CLIP1: variants seen among roughly 807,000 people sequenced by gnomAD.
The protein encoded by CLIP1 is CAP-Gly domain-containing linker protein 1.
In CLIP1, 66 loss-of-function variants were observed where a neutral mutation model predicts 161.6. That is an observed-to-expected ratio of 0.41 (90% CI 0.33 to 0.50). The LOEUF (loss-of-function observed/expected upper bound fraction) is 0.50, where lower values mean the gene tolerates loss of function less well. CLIP1 is among the 20% of genes least tolerant of loss of function. CLIP1 has a pLI of 0.27. For missense variants in CLIP1, 1,376 were observed against 1,702.0 expected (o/e 0.81, Z 3.37); for synonymous variants, 598 against 626.2 (o/e 0.96, Z 0.67).
chr12:122,334,471 T>C lies in CLIP1; in HGVS notation c.2626+177A>G, dbSNP rs117961526. Among the ~76,000 whole-genome samples, 175 of 152,220 alleles carry C rather than the reference T, an allele frequency of 1.1e-3. 2 individuals are homozygous for C. In the East Asian group the frequency reaches 0.032, roughly 28 times the overall value. ...GCCTTAAGCTAAAAGAAGAAAAAAT[T>C]GGGAGTTTGAGGCTTCAGGAAACCA... On this transcript the variant is annotated intron_variant, in intron 13 of 25. Coordinates refer to ENST00000620786, the MANE Select transcript of CLIP1 (RefSeq NM_001247997.2).
At chr12:122,300,801 AT>A (rs890737726) in intron 20 of CLIP1, among the ~76,000 whole-genome samples, 12 of 151,938 alleles carry the variant, frequency 7.9e-5, no homozygotes, top group Middle Eastern at 3.2e-3. Context: ...TTCTCTCTAT[AT>A]TTTTTTCTAC....
chr12:122,421,861 G>A (rs1188629444), intron 1 of CLIP1, among the ~76,000 whole-genome samples: 2 of 152,188 alleles, frequency 1.3e-5, no homozygotes, highest in South Asian at 2.1e-4. Context: ...TGCCTTCCGC[G>A]CCAATCCCCT....
chr12:122,419,924 C>T (rs1417836726), intron 1 of CLIP1, among the ~76,000 whole-genome samples: 1 of 62,522 alleles, frequency 1.6e-5, no homozygotes, highest in East Asian at 7.3e-4. Context: ...GAGACTCTGT[C>T]TCAAAAAAAA....
chr12:122,420,394 G>C (rs1408170310), intron 1 of CLIP1, among the ~76,000 whole-genome samples: 1 of 151,798 alleles, frequency 6.6e-6, no homozygotes, highest in Admixed American at 6.6e-5. Flanking sequence ...TCCTCAATAG[G>C]ACAGAAACCA....
At chr12:122,298,742 G>C (rs2136393379) in intron 20 of CLIP1, among the ~76,000 whole-genome samples, 1 of 152,238 alleles carries the variant, frequency 6.6e-6, no homozygotes, top group African/African-American at 2.4e-5. Context: ...ATCACTTGAA[G>C]TCAGGAGTTC....
At chr12:122,356,649 C>T (rs1953384394) in intron 5 of CLIP1, among the ~76,000 whole-genome samples, 1 of 152,028 alleles carries the variant, frequency 6.6e-6, no homozygotes, top group South Asian at 2.1e-4. Flanking sequence ...CCCACGGTCT[C>T]CCTCTCCCTC....
intron 1 of CLIP1, among the ~76,000 whole-genome samples, chr12:122,397,720 G>A (rs948334765): frequency 6.6e-6 from 1 of 151,752 alleles, no homozygotes; most frequent in Non-Finnish European, 1.5e-5. Context: ...CACTTTGGGA[G>A]GCAGTCCGAT....
chr12:122,278,333 C>A, intron 23 of CLIP1, 130 bp from the exon 24 acceptor site: 2 of 803,580 alleles, frequency 2.5e-6, no homozygotes, highest in South Asian at 1.6e-5. Context: ...CCAGATGCAC[C>A]ACTTTCAGCA....
At position 122,341,244 on chromosome 12, in the gene CLIP1, C is replaced by T; in HGVS notation, c.1960G>A (p.Ala654Thr). The T allele has an allele frequency of 6.2e-7, 1 of 1,613,500 alleles. No individual in the cohort carries two copies. The highest frequency in any genetic ancestry group is 8.5e-7 in the Non-Finnish European group (1 of 1,179,468). Residue 654 changes from alanine (A) to threonine (T), a missense_variant, in exon 11 of 26, where the codon GCA (alanine) becomes ACA (threonine). Coordinates refer to ENST00000620786, the MANE Select transcript of CLIP1 (RefSeq NM_001247997.2). ...TGTGTTTTTAGTTCAGCAAATTCTG[C>T]CGTCTCTGTTCCAAGCCCTTTGCTG... The part of the protein sequence containing the change: ...SFSKGLGTET[A>T]EFAELKTQIE...
rs76495258 is a variant in CLIP1, at chr12:122,275,977, C to A, written c.3967-1815G>T. ...ACAACAAGATGGCCAACAGGAGGGA[C>A]CGCTCTTATCCTGAACATTTCCTTT... On this transcript the variant is annotated intron_variant, in intron 24 of 25. Transcript: ENST00000620786. Among the ~76,000 whole-genome samples the A allele has an allele frequency of 7.9e-3, 1,195 of 152,186 alleles. 9 individuals carry two copies. Among genetic ancestry groups the A allele is most frequent in the Non-Finnish European group, 0.012 (829 of 68,000 alleles).
intron 3 of CLIP1, among the ~76,000 whole-genome samples, chr12:122,368,726 T>C (rs1954285978): frequency 6.6e-6 from 1 of 152,020 alleles, no homozygotes; most frequent in Non-Finnish European, 1.5e-5. Context: ...GCAGATCACT[T>C]GAGGTCAGGA....
intron 1 of CLIP1, among the ~76,000 whole-genome samples, chr12:122,382,888 G>A (rs984681192): frequency 3.3e-5 from 5 of 151,918 alleles, no homozygotes; most frequent in Admixed American, 6.6e-5. Context: ...AAAGAGATCC[G>A]GGTGGGAGTC....
intron 5 of CLIP1, among the ~76,000 whole-genome samples, chr12:122,360,088 AAG>A (rs1261406876): frequency 6.6e-6 from 1 of 152,206 alleles, no homozygotes; most frequent in Non-Finnish European, 1.5e-5. Context: ...AAGAGGAAAG[AAG>A]AGAGTAATCA....
intron 1 of CLIP1, among the ~76,000 whole-genome samples, chr12:122,389,383 G>A (rs1955481100): frequency 6.6e-6 from 1 of 152,168 alleles, no homozygotes. Context: ...ACCAGCTGAG[G>A]TATATCCAAT....
intron 20 of CLIP1, among the ~76,000 whole-genome samples, chr12:122,301,901 T>G (rs1439798725): frequency 6.6e-6 from 1 of 152,228 alleles, no homozygotes; most frequent in South Asian, 2.1e-4. Flanking sequence ...CTTTCATGTT[T>G]GGAAACATGT....
chr12:122,354,571 A>C lies in CLIP1; in HGVS notation c.1204-15T>G. 6.3e-7 allele frequency: 1 copy of C among 1,589,182 alleles called. No homozygotes were observed. ...TCCAGGACATGCTGGGGAAGGCAAG[A>C]ATGTCGGTAAATGGACTATTTCTGA... On this transcript the variant is annotated splice_polypyrimidine_tract_variant and intron_variant, in intron 6 of 25. Transcript: ENST00000620786.
chr12:122,411,768 T>G (rs1380598426), intron 1 of CLIP1, among the ~76,000 whole-genome samples: 1 of 152,096 alleles, frequency 6.6e-6, no homozygotes, highest in African/African-American at 2.4e-5. Context: ...GCTGGGAAAG[T>G]TGGCAGAAAT....
chr12:122,343,086 T>A (rs1435377846), intron 10 of CLIP1: 1 of 151,066 alleles, frequency 6.6e-6, no homozygotes, highest in African/African-American at 2.4e-5. Context: ...GAATAACACA[T>A]CACCTGTAGA....
chr12:122,316,309 C>G (rs1387186188), intron 19 of CLIP1, among the ~76,000 whole-genome samples: 2 of 151,766 alleles, frequency 1.3e-5, no homozygotes, highest in African/African-American at 4.8e-5. Context: ...CTGCTGGGCT[C>G]AAGCGATCCT....
Sources: gnomAD v4.1 joint callset for allele counts (sites outside exome capture counted in the v4.1 genomes callset) on GRCh38, gnomAD v4.1.1 for gene constraint, MANE v1.5 for transcripts, NCBI Gene and HGNC (gene_info 2026-07-23, HGNC 2026-07-21) for gene names.